Variants in DNAH10 observed in about 807,000 individuals in gnomAD.
DNAH10 encodes the protein dynein axonemal heavy chain 10, also known as axonemal beta dynein heavy chain 10.
DNAH10 carries 348 observed loss-of-function variants against 506.6 expected under a neutral mutation model. The observed-to-expected ratio is 0.69, with a 90% CI of 0.63 to 0.75. The LOEUF is 0.75. Among genes scored for constraint, DNAH10 ranks in the 30% least tolerant of loss-of-function variants. DNAH10 has a pLI of 0.00. For synonymous variants in DNAH10, 2,059 were observed against 2,198.6 expected, an observed-to-expected ratio of 0.94 and a Z score of 1.78; for missense variants, 5,179 against 5,787.1, an observed-to-expected ratio of 0.89 and a Z score of 3.41.
intron 30 of DNAH10, among the ~76,000 whole-genome samples, chr12:123,843,415 T>C (rs188562549): frequency 6.6e-6 from 1 of 152,322 alleles, no homozygotes; most frequent in African/African-American, 2.4e-5. Context: ...TCTTTGTTCA[T>C]CATTTCGGTG....
chr12:123,804,783 T>C, intron 17 of DNAH10, 50 bp from the exon 18 acceptor site: 2 of 1,563,506 alleles, frequency 1.3e-6, no homozygotes, highest in Non-Finnish European at 1.7e-6. Flanking sequence ...TTTTGAGTGC[T>C]GTCCTTCCCT....
intron 24 of DNAH10, among the ~76,000 whole-genome samples, chr12:123,822,557 T>C (rs909542596): frequency 6.6e-6 from 1 of 152,244 alleles, no homozygotes; most frequent in African/African-American, 2.4e-5. Flanking sequence ...CATTATCTAA[T>C]CTATATCTAT....
At position 123,916,626 on chromosome 12, in the gene DNAH10, A is replaced by T. The variant is rs1434320412; in HGVS notation, c.10892A>T (p.Asp3631Val). 6.2e-7 allele frequency: 1 copy of T among 1,613,936 alleles called. No individual in the cohort carries two copies. Among genetic ancestry groups the T allele is most frequent in the East Asian group, 2.2e-5 (1 of 44,894 alleles). The part of the protein sequence containing the change: ...SQGRQFIILG[D>V]KEVDYDSNFR... ...GGACGGCAGTTTATTATCCTGGGAGACAAGGAAGTGGACTATGATTCAAAT... is the reference window on the plus strand; with the variant it reads ...GGACGGCAGTTTATTATCCTGGGAGTCAAGGAAGTGGACTATGATTCAAAT... Residue 3631 changes from aspartate (D) to valine (V), a missense_variant, in exon 63 of 79, where the codon GAC (aspartate) becomes GTC (valine). This residue lies in a region of DNAH10 where 4,844 missense variants were observed against 5,430.5 expected (regional missense o/e 0.89). Transcript: ENST00000673944. The surrounding 1 kb of genome is among the most constrained non-coding windows in gnomAD (Gnocchi z 4.6).
intron 28 of DNAH10, among the ~76,000 whole-genome samples, chr12:123,837,067 G>A (rs533627306): frequency 3.2e-4 from 48 of 151,188 alleles, no homozygotes; most frequent in Admixed American, 1.3e-3. Flanking sequence ...TAGCCAGGAT[G>A]GTCTCAATCT....
At chr12:123,810,654 C>T (rs1958897012) in intron 19 of DNAH10, among the ~76,000 whole-genome samples, 2 of 152,000 alleles carry the variant, frequency 1.3e-5, no homozygotes, top group African/African-American at 2.4e-5. Flanking sequence ...GATCGCACCA[C>T]TGCACTCCAG....
chr12:123,789,110 T>G (rs1484182759), intron 10 of DNAH10, among the ~76,000 whole-genome samples: 2 of 151,522 alleles, frequency 1.3e-5, no homozygotes, highest in Non-Finnish European at 2.9e-5. Context: ...TAGCTGGGCG[T>G]GGTGGCGGGC....
At chr12:123,828,779 C>T (rs528696721) in intron 25 of DNAH10, among the ~76,000 whole-genome samples, 2 of 152,288 alleles carry the variant, frequency 1.3e-5, no homozygotes, top group South Asian at 4.1e-4. Context: ...AATGCATGGG[C>T]TGGAAAGGGA....
At position 123,902,888 on chromosome 12, in the gene DNAH10, G is replaced by A. The variant is rs1953591487; in HGVS notation, c.9641-51G>A. 2.6e-6 allele frequency: 4 copies of A among 1,529,794 alleles called. No individual in the cohort carries two copies. Among genetic ancestry groups the A allele is most frequent in the Non-Finnish European group, 3.5e-6 (4 of 1,135,700 alleles). 94.8% of individuals were successfully genotyped at this position (1,529,794 alleles called of 1,614,324 possible). The stretch of plus-strand genomic sequence containing the variant: ...ACTCTGCTCAGAGCCGGGGCCGCGA[G>A]TGCATCTCCTCTGAGCCCAAGCTTT... On this transcript the variant is annotated intron_variant, in intron 56 of 78. Transcript: ENST00000673944. The surrounding 1 kb of genome is among the most constrained non-coding windows in gnomAD (Gnocchi z 4.5).
At position 123,877,900 on chromosome 12, in the gene DNAH10, C is replaced by A. The variant is rs749545813; in HGVS notation, c.8364C>A (p.Asn2788Lys). The A allele has an allele frequency of 4.3e-6, 7 of 1,613,372 alleles. No individual in the cohort carries two copies. In the Admixed American group the frequency reaches 1.2e-4, roughly 27 times the overall value. The change falls in exon 48 of 79, where the codon AAC becomes AAA. Residue 2788 changes from asparagine to lysine, a missense_variant. Physicochemically the swap from Asn to Lys is moderately conservative, Grantham distance 94. Coordinates refer to ENST00000673944, the MANE Select transcript of DNAH10 (RefSeq NM_001372106.1). ...SRVFNGLVLTNPERFQTVAQM... is the reference protein window; with the variant it reads ...SRVFNGLVLTKPERFQTVAQM... ...TTTTTAATGGTCTTGTCCTCACTAA[C>A]CCGGAGCGGTGAGTTTGATTTATCT...
In DNAH10 at chr12:123,903,856, G is replaced by C. The variant is rs78344382; in HGVS notation, c.9815+743G>C. Reference sequence around the variant, plus strand: ...CCTGGCCCCGCACAGACCCCTCGGCGTGGGAGCCTCAGCTCTCTCCTTCCC... The same window carrying C: ...CCTGGCCCCGCACAGACCCCTCGGCCTGGGAGCCTCAGCTCTCTCCTTCCC... On this transcript the variant is annotated intron_variant, in intron 57 of 78. Coordinates refer to ENST00000673944, the MANE Select transcript of DNAH10 (RefSeq NM_001372106.1). The surrounding 1 kb of genome is among the most constrained non-coding windows in gnomAD (Gnocchi z 4.6). 1.3e-5 allele frequency among the ~76,000 whole-genome samples: 2 copies of C among 151,944 alleles called. No individual in the cohort carries two copies. The highest frequency in any genetic ancestry group is 6.5e-5 in the Admixed American group (1 of 15,276).
In DNAH10 at chr12:123,841,353, A is replaced by G; in HGVS notation, c.5168A>G (p.Asn1723Ser). The change falls in exon 30 of 79, where the codon AAT (asparagine) becomes AGT (serine). Residue 1723 changes from asparagine to serine, a missense_variant. Asn to Ser is a conservative substitution (Grantham distance 46). Coordinates refer to ENST00000673944, the MANE Select transcript of DNAH10 (RefSeq NM_001372106.1). The part of the protein sequence containing the change: ...MYDNIASLRF[N>S]DGDSGEKLVS... ...GACAACATAGCATCACTGAGGTTTA[A>G]TGACGGCGATAGTGGAGAAAAACTG... 1 of 1,614,044 alleles carries G rather than the reference A, an allele frequency of 6.2e-7. No individual in the cohort carries two copies. The highest frequency in any genetic ancestry group is 8.5e-7 in the Non-Finnish European group (1 of 1,179,894).
At chr12:123,821,428 C>G (rs1166481668) in intron 24 of DNAH10, among the ~76,000 whole-genome samples, 2 of 152,114 alleles carry the variant, frequency 1.3e-5, no homozygotes, top group Admixed American at 6.5e-5. Context: ...AGTCCTGGGT[C>G]GAAGTGATCC....
chr12:123,764,227 A>G (rs1314102444), intron 1 of DNAH10, among the ~76,000 whole-genome samples: 1 of 152,200 alleles, frequency 6.6e-6, no homozygotes, highest in Non-Finnish European at 1.5e-5. Flanking sequence ...TTCATCATAA[A>G]TCCAAAACCA....
chr12:123,916,322 C>G lies in DNAH10; in HGVS notation c.10723-135C>G. 8.7e-7 allele frequency: 1 copy of G among 1,148,740 alleles called. No individual in the cohort carries two copies. Among genetic ancestry groups the G allele is most frequent in the South Asian group, 1.5e-5 (1 of 65,564 alleles). The allele number at this position is 1,148,740 out of a possible 1,614,324, so 71.2% of individuals were successfully genotyped here. A position where few individuals can be genotyped will look rare whatever the true frequency, so the allele number is the denominator to read the frequency against. On this transcript the variant is annotated intron_variant, in intron 62 of 78. Coordinates refer to ENST00000673944, the MANE Select transcript of DNAH10 (RefSeq NM_001372106.1). This position sits in a 1 kb window ranked among gnomAD's most constrained non-coding sequence, Gnocchi z 4.6. ...TGTATATGCGTTATACCCCTTGCTT[C>G]TCTCTTCTTTTCACCTCTGGCCCCC...
rs769861909 is a variant in DNAH10, at chr12:123,774,192, T to C, written c.549T>C (p.Ile183=). 4.3e-6 allele frequency: 7 copies of C among 1,612,102 alleles called. No individual in the cohort carries two copies. Among genetic ancestry groups the C allele is most frequent in the Non-Finnish European group, 5.1e-6 (6 of 1,179,514 alleles). Residue 183 remains isoleucine, a synonymous_variant, in exon 5 of 79, where the codon ATT becomes ATC. Transcript: ENST00000673944. ...CCGACATGAAGGAAGCTATGGAAATTATGCCAGAAACACTGGAGTATGGAA... is the reference window on the plus strand; with the variant it reads ...CCGACATGAAGGAAGCTATGGAAATCATGCCAGAAACACTGGAGTATGGAA... ...EATDMKEAME[I]MPETLEYGII... is the part of the protein sequence containing the mutation.
chr12:123,899,643 AC>A, intron 56 of DNAH10, among the ~76,000 whole-genome samples: 1 of 152,290 alleles, frequency 6.6e-6, no homozygotes, highest in Admixed American at 6.5e-5. Flanking sequence ...ACCCTGACAG[AC>A]CAATTAGATG....
Position 123,873,465 on chromosome 12 carries a change from A to G in DNAH10, c.7786-93A>G. 2.0e-6 allele frequency: 3 copies of G among 1,478,048 alleles called. No homozygotes were observed. In the South Asian group the frequency reaches 4.2e-5, roughly 21 times the overall value. The allele number at this position is 1,478,048 out of a possible 1,614,324, so 91.6% of individuals were successfully genotyped here. A position where few individuals can be genotyped will look rare whatever the true frequency, so the allele number is the denominator to read the frequency against. On this transcript the variant is annotated intron_variant, in intron 45 of 78. Transcript: ENST00000673944. ...AAAAAGTTAGTTCAGAGGCCAATGG[A>G]TTTGCAAAATAGTTGCTAGCTTATT...
chr12:123,871,762 C>T (rs777185418), intron 45 of DNAH10, among the ~76,000 whole-genome samples, 160 bp downstream of exon 45: 1 of 152,222 alleles, frequency 6.6e-6, no homozygotes, highest in Non-Finnish European at 1.5e-5. Flanking sequence ...CATGGGATTG[C>T]AGTCAAGCTG....
chr12:123,819,110 G>A (rs771855991), intron 22 of DNAH10, 38 bp from the exon 23 acceptor site: 30 of 1,604,138 alleles, frequency 1.9e-5, no homozygotes, highest in African/African-American at 2.7e-5. Context: ...ATTGAAAAAC[G>A]TATTTGGGCT....
Sources: allele counts gnomAD v4.1 joint callset (sites outside exome capture counted in the v4.1 genomes callset), GRCh38; gene constraint gnomAD v4.1.1; regional missense constraint gnomAD v4.1.1; non-coding constraint Gnocchi (gnomAD v3.1); transcripts MANE v1.5; gene names NCBI Gene and HGNC (gene_info 2026-07-23, HGNC 2026-07-21).